CCDC85A: variants seen among roughly 807,000 people sequenced by gnomAD.
CCDC85A encodes the protein coiled-coil domain-containing protein 85A.
CCDC85A carries 38 observed loss-of-function variants against 50.2 expected under a neutral mutation model. The ratio of observed to expected loss-of-function variants is 0.76; its 90% CI spans 0.58 to 0.99. The LOEUF is 0.99. CCDC85A is among the 50% of genes least tolerant of loss of function. The pLI is 0.00. For synonymous variants in CCDC85A, 366 were observed against 301.4 expected (o/e 1.21, Z -2.22); for missense variants, 820 against 742.0 (o/e 1.11, Z -1.22).
intron 3 of CCDC85A, among the ~76,000 whole-genome samples, chr2:56,369,670 T>C (rs181763322): frequency 1.3e-5 from 2 of 152,274 alleles, no homozygotes; most frequent in Admixed American, 1.3e-4. Context: ...TTGGGGACTT[T>C]TTCTGTTCAT....
At chr2:56,246,294 A>C (rs184589189) in intron 2 of CCDC85A, among the ~76,000 whole-genome samples, 1 of 152,334 alleles carries the variant, frequency 6.6e-6, no homozygotes, top group Admixed American at 6.5e-5. Context: ...TGCTTATCAA[A>C]TATGACTTGC....
At chr2:56,290,004 C>T (rs1192161460) in intron 2 of CCDC85A, among the ~76,000 whole-genome samples, 1 of 152,088 alleles carries the variant, frequency 6.6e-6, no homozygotes, top group East Asian at 1.9e-4. Context: ...GGTGATTGTC[C>T]TGGTTCAAGC....
chr2:56,380,568 A>AAAC (rs1037253266), intron 5 of CCDC85A, among the ~76,000 whole-genome samples: 1 of 151,964 alleles, frequency 6.6e-6, no homozygotes, highest in Non-Finnish European at 1.5e-5. Flanking sequence ...TCAAAAAAAA[A>AAAC]AACAACAACA....
intron 2 of CCDC85A, among the ~76,000 whole-genome samples, chr2:56,221,330 C>T (rs966909139): frequency 2.0e-5 from 3 of 151,812 alleles, no homozygotes; most frequent in Non-Finnish European, 2.9e-5. Context: ...TCCATTTAAC[C>T]GACTTAACAG....
Position 56,372,434 on chromosome 2 carries a change from T to A in CCDC85A, c.1408T>A (p.Trp470Arg). The stretch of plus-strand genomic sequence containing the variant: ...CAGAGCCCGGCGGGTCTTGCAGTGG[T>A]GGCAAGGGTGCCGAGGAATAGGACG... ...GSRARRVLQW[W>R]QGCRGIGRCL... The change falls in exon 4 of 6, where the codon TGG becomes AGG. Residue 470 changes from tryptophan to arginine, a missense_variant. Transcript: ENST00000407595. 6.2e-7 allele frequency: 1 copy of A among 1,609,528 alleles called. No individual in the cohort carries two copies. The highest frequency in any genetic ancestry group is 8.5e-7 in the Non-Finnish European group (1 of 1,177,880).
chr2:56,346,735 A>G (rs1674650297), intron 3 of CCDC85A, among the ~76,000 whole-genome samples: 1 of 152,252 alleles, frequency 6.6e-6, no homozygotes, highest in Admixed American at 6.5e-5. Flanking sequence ...TGGTAGTTAA[A>G]GGTCACCTGG....
At chr2:56,314,250 G>T (rs146689588) in intron 2 of CCDC85A, among the ~76,000 whole-genome samples, 2 of 151,314 alleles carry the variant, frequency 1.3e-5, no homozygotes, top group African/African-American at 4.9e-5. Context: ...GTCAGAGCTG[G>T]GGTCAGATGT....
chr2:56,215,782 TG>T, intron 2 of CCDC85A, among the ~76,000 whole-genome samples: 1 of 151,910 alleles, frequency 6.6e-6, no homozygotes, highest in Non-Finnish European at 1.5e-5. Flanking sequence ...CTTTATAGCT[TG>T]GGTCGGTAAA....
intron 1 of CCDC85A, among the ~76,000 whole-genome samples, chr2:56,187,249 A>G (rs1558573318): frequency 6.6e-6 from 1 of 152,214 alleles, no homozygotes; most frequent in South Asian, 2.1e-4. Flanking sequence ...TCAGTTGAGA[A>G]CTATAAATGT....
chr2:56,286,141 A>T (rs1327909126), intron 2 of CCDC85A, among the ~76,000 whole-genome samples: 1 of 151,780 alleles, frequency 6.6e-6, no homozygotes, highest in African/African-American at 2.4e-5. Context: ...GGCTGCTTGT[A>T]TGATTTTTTT....
intron 1 of CCDC85A, 97 bp downstream of exon 1, chr2:56,184,997 A>T: frequency 7.3e-7 from 1 of 1,368,356 alleles, no homozygotes; most frequent in Non-Finnish European, 9.5e-7. Context: ...CTCCCTCAAC[A>T]GGTGACCCTC....
At chr2:56,249,545 A>T (rs747999369) in intron 2 of CCDC85A, among the ~76,000 whole-genome samples, 1 of 152,232 alleles carries the variant, frequency 6.6e-6, no homozygotes, top group African/African-American at 2.4e-5. Flanking sequence ...CTTTGAGGTC[A>T]CTGGGTCATT....
intron 2 of CCDC85A, among the ~76,000 whole-genome samples, chr2:56,273,337 A>G (rs1670780196): frequency 6.6e-6 from 1 of 152,114 alleles, no homozygotes; most frequent in Non-Finnish European, 1.5e-5. Flanking sequence ...TGCAGTGAGC[A>G]CCTCAGTATA....
At chr2:56,381,984 C>G (rs1017735866) in intron 5 of CCDC85A, among the ~76,000 whole-genome samples, 5 of 151,932 alleles carry the variant, frequency 3.3e-5, no homozygotes, top group African/African-American at 1.2e-4. Context: ...TAAAAGTTCT[C>G]TAGGAGTATG....
intron 1 of CCDC85A, among the ~76,000 whole-genome samples, chr2:56,185,108 C>T (rs1049733288): frequency 1.4e-5 from 2 of 138,222 alleles, no homozygotes; most frequent in Non-Finnish European, 3.2e-5. Context: ...CAACACGGGG[C>T]GCTCCACTGT....
chr2:56,351,987 T>C (rs1674970358), intron 3 of CCDC85A, among the ~76,000 whole-genome samples: 1 of 152,174 alleles, frequency 6.6e-6, no homozygotes, highest in Non-Finnish European at 1.5e-5. Context: ...TGGTTTTAGG[T>C]CTAAGGTTTA....
chr2:56,325,709 A>G (rs1242467270), intron 2 of CCDC85A, among the ~76,000 whole-genome samples: 1 of 152,056 alleles, frequency 6.6e-6, no homozygotes, highest in East Asian at 1.9e-4. Flanking sequence ...TGTGTGTGTC[A>G]TTGTCTTCTG....
intron 2 of CCDC85A, among the ~76,000 whole-genome samples, chr2:56,194,305 G>T (rs1310623384): frequency 6.6e-6 from 1 of 152,112 alleles, no homozygotes; most frequent in Non-Finnish European, 1.5e-5. Flanking sequence ...TTAATTTTCT[G>T]CATCTTGGAT....
intron 2 of CCDC85A, among the ~76,000 whole-genome samples, chr2:56,216,564 C>G: frequency 6.6e-6 from 1 of 151,642 alleles, no homozygotes; most frequent in Middle Eastern, 3.2e-3. Context: ...TGTTTGTTGT[C>G]TTTTTTTCCT....
Sources: allele counts gnomAD v4.1 joint callset (sites outside exome capture counted in the v4.1 genomes callset), GRCh38; gene constraint gnomAD v4.1.1; transcripts MANE v1.5; gene names NCBI Gene and HGNC (gene_info 2026-07-23, HGNC 2026-07-21).